Variants in SHLD1 observed in about 807,000 individuals in gnomAD.
The protein encoded by SHLD1 is shieldin complex subunit 1, also known as RINN1-REV7-interacting novel NHEJ regulator 3.
A neutral mutation model predicts 5.5 loss-of-function variants in SHLD1; 3 were observed. The ratio of observed to expected loss-of-function variants is 0.54; its 90% confidence interval spans 0.25 to 1.40. The LOEUF (loss-of-function observed/expected upper bound fraction) is 1.40, where lower values mean the gene tolerates loss of function less well. Among genes scored for constraint, SHLD1 ranks in the 40% most tolerant of loss-of-function variants. The pLI, the probability that SHLD1 is intolerant of heterozygous loss-of-function variation, is 0.15. For synonymous variants in SHLD1, 92 were observed against 94.3 expected (o/e 0.98, Z 0.14); for missense variants, 210 against 244.4 (o/e 0.86, Z 0.94).
At chr20:5,843,454 C>G (rs2087891331) in intron 2 of SHLD1, among the ~76,000 whole-genome samples, 1 of 151,658 alleles carries the variant, frequency 6.6e-6, no homozygotes, top group Non-Finnish European at 1.5e-5. Flanking sequence ...TTCTCTAGTT[C>G]ACTTTTTCTC....
chr20:5,851,314 C>T (rs2088005808), intron 2 of SHLD1, among the ~76,000 whole-genome samples: 1 of 151,954 alleles, frequency 6.6e-6, no homozygotes, highest in Admixed American at 6.6e-5. Context: ...GGTGAGACCC[C>T]ATCTCTACAA....
intron 1 of SHLD1, among the ~76,000 whole-genome samples, chr20:5,754,034 G>A (rs1983917249): frequency 6.6e-6 from 1 of 152,102 alleles, no homozygotes; most frequent in Non-Finnish European, 1.5e-5. Flanking sequence ...AGAAGTGCTG[G>A]GATTACAGGC....
intron 1 of SHLD1, among the ~76,000 whole-genome samples, chr20:5,759,386 A>G (rs577185065): frequency 6.8e-4 from 104 of 151,954 alleles, no homozygotes; most frequent in Non-Finnish European, 1.4e-3. Context: ...CAGCCTCTCC[A>G]GTAGCTGGGA....
intron 2 of SHLD1, among the ~76,000 whole-genome samples, chr20:5,844,825 C>T (rs866455647): frequency 2.3e-4 from 31 of 134,314 alleles, no homozygotes; most frequent in South Asian, 9.5e-4. Flanking sequence ...GACACAGTCT[C>T]ACTCTGTCGC....
intron 2 of SHLD1, among the ~76,000 whole-genome samples, chr20:5,807,331 T>C (rs1294529530): frequency 6.6e-6 from 1 of 151,894 alleles, no homozygotes; most frequent in African/African-American, 2.4e-5. Flanking sequence ...TCTTCCTTCC[T>C]TCCTTTCCTT....
At chr20:5,795,126 C>G (rs1044126458) in intron 2 of SHLD1, among the ~76,000 whole-genome samples, 1 of 151,860 alleles carries the variant, frequency 6.6e-6, no homozygotes, top group Non-Finnish European at 1.5e-5. Context: ...GTAATCCCAG[C>G]TACTCGGGGG....
intron 1 of SHLD1, among the ~76,000 whole-genome samples, chr20:5,753,677 A>G (rs919482400): frequency 3.9e-5 from 6 of 152,196 alleles, no homozygotes; most frequent in African/African-American, 1.2e-4. Context: ...TACAAGCAAC[A>G]TGGCACTGGC....
chr20:5,795,981 G>T (rs1291270548), intron 2 of SHLD1, among the ~76,000 whole-genome samples: 5 of 150,844 alleles, frequency 3.3e-5, no homozygotes, highest in African/African-American at 4.9e-5. Flanking sequence ...AACAGAGCGA[G>T]ACTCTGTCTC....
chr20:5,862,043 T>A (rs2088169560), intron 2 of SHLD1, among the ~76,000 whole-genome samples: 1 of 152,118 alleles, frequency 6.6e-6, no homozygotes, highest in Non-Finnish European at 1.5e-5. Flanking sequence ...GATCTCCTTT[T>A]CTCTTCCTCC....
chr20:5,812,090 C>CT (rs529793893), intron 2 of SHLD1, among the ~76,000 whole-genome samples: 328 of 116,158 alleles, frequency 2.8e-3, no homozygotes, highest in African/African-American at 6.3e-3. Context: ...CTTTTTTTTT[C>CT]TTTTTTTTTT....
intron 2 of SHLD1, among the ~76,000 whole-genome samples, chr20:5,804,927 G>A (rs772281442): frequency 1.3e-5 from 2 of 152,162 alleles, no homozygotes; most frequent in Non-Finnish European, 2.9e-5. Context: ...AGGAAATCTT[G>A]GTGGAGTCCA....
At chr20:5,795,853 C>T (rs527855861) in intron 2 of SHLD1, among the ~76,000 whole-genome samples, 5 of 151,450 alleles carry the variant, frequency 3.3e-5, no homozygotes, top group East Asian at 3.9e-4. Context: ...GGTTTGGTGG[C>T]GGGCACCTGT....
rs1001456191 is a variant in SHLD1, at chr20:5,855,465, G to A, written c.179-7559G>A. On this transcript the variant is annotated intron_variant, in intron 2 of 2. Coordinates refer to ENST00000303142, the MANE Select transcript of SHLD1 (RefSeq NM_152504.4). This position sits in a 1 kb window ranked among gnomAD's most constrained non-coding sequence, Gnocchi z 4.4. The stretch of plus-strand genomic sequence containing the variant: ...TGGCTCATGGCAACCTCCACCTCCC[G>A]CGTTCAAGAGATTCTTGTGCCTCAG... 2.0e-5 allele frequency among the ~76,000 whole-genome samples: 3 copies of A among 152,052 alleles called. No homozygotes were observed. The highest frequency in any genetic ancestry group is 2.9e-5 in the Non-Finnish European group (2 of 68,008).
chr20:5,813,304 G>A (rs1416514904), intron 2 of SHLD1, among the ~76,000 whole-genome samples: 2 of 151,926 alleles, frequency 1.3e-5, no homozygotes, highest in East Asian at 1.9e-4. Flanking sequence ...CCTGACCAAC[G>A]TGGTGAAACC....
intron 2 of SHLD1, among the ~76,000 whole-genome samples, chr20:5,856,923 C>T (rs1331626072): frequency 6.6e-6 from 1 of 152,108 alleles, no homozygotes; most frequent in African/African-American, 2.4e-5. Flanking sequence ...TCTTATGTTC[C>T]CATTTGCAAT....
intron 2 of SHLD1, among the ~76,000 whole-genome samples, chr20:5,836,359 C>T (rs1442687135): frequency 6.6e-6 from 1 of 152,112 alleles, no homozygotes; most frequent in Non-Finnish European, 1.5e-5. Context: ...AAAAATGATT[C>T]CAATTCATTT....
intron 2 of SHLD1, among the ~76,000 whole-genome samples, chr20:5,823,389 G>A (rs936450272): frequency 4.0e-5 from 6 of 151,710 alleles, no homozygotes; most frequent in African/African-American, 1.2e-4. Flanking sequence ...CACCTGACTC[G>A]GCTTCCCAAA....
intron 2 of SHLD1, among the ~76,000 whole-genome samples, chr20:5,800,685 CAA>C (rs11467458): frequency 9.3e-5 from 14 of 150,376 alleles, no homozygotes; most frequent in Non-Finnish European, 1.9e-4. Context: ...GAGACTGTCT[CAA>C]AAAAAAAAAA....
intron 2 of SHLD1, among the ~76,000 whole-genome samples, chr20:5,858,311 T>C (rs6053746): frequency 0.098 from 14,885 of 152,080 alleles, 2,389 homozygotes; most frequent in African/African-American, 0.34. Context: ...AAGGCAAAAA[T>C]GTTTCACGGA....
Sources: gnomAD v4.1 joint callset for allele counts (sites outside exome capture counted in the v4.1 genomes callset) on GRCh38, gnomAD v4.1.1 for gene constraint, Gnocchi (gnomAD v3.1) non-coding constraint, MANE v1.5 for transcripts, NCBI Gene and HGNC (gene_info 2026-07-23, HGNC 2026-07-21) for gene names.